The following CECR2 variants were observed in gnomAD, a reference collection of about 807,000 sequenced individuals.
The protein encoded by CECR2 is chromatin remodeling regulator CECR2.
A neutral mutation model predicts 154.5 loss-of-function variants in CECR2; 30 were observed. The observed-to-expected ratio is 0.19, with a 90% CI of 0.15 to 0.26. The LOEUF (loss-of-function observed/expected upper bound fraction) is 0.26, where lower values mean the gene tolerates loss of function less well. Ranked by LOEUF, CECR2 falls within the 10% of genes least tolerant of loss-of-function variation. The probability of loss-of-function intolerance (pLI) is 1.00; values close to 1 mark genes in which losing one functional copy is unlikely to be tolerated. For missense variants in CECR2, 1,743 were observed against 1,829.3 expected (o/e 0.95, Z 0.86); for synonymous variants, 725 against 683.7 (o/e 1.06, Z -0.94).
chr22:17,453,627 A>G (rs1432200482), intron 1 of CECR2, among the ~76,000 whole-genome samples: 2 of 152,224 alleles, frequency 1.3e-5, no homozygotes, highest in African/African-American at 4.8e-5. Flanking sequence ...AAAAGGATAC[A>G]TCAACCCTAA....
chr22:17,391,073 T>C (rs1033221920), intron 1 of CECR2, among the ~76,000 whole-genome samples: 1 of 152,240 alleles, frequency 6.6e-6, no homozygotes, highest in African/African-American at 2.4e-5. Flanking sequence ...GACTGTGTCA[T>C]GAGAGTCTAC....
At position 17,552,067 on chromosome 22, in the gene CECR2, C is replaced by T. The variant is rs1412874233; in HGVS notation, c.4314C>T (p.Phe1438=). ...ACCCGGTCCAGTCGCAGGCCTCGTT[C>T]CCAAAGACCCCCACAGCAGCAACAT... ...QMHPVQSQAS[F]PKTPTAATSQ... Residue 1438 remains phenylalanine, a synonymous_variant, in exon 18 of 19, where the codon TTC becomes TTT. Coordinates refer to ENST00000262608, the MANE Select transcript of CECR2 (RefSeq NM_001290047.2). The T allele has an allele frequency of 6.2e-7, 1 of 1,613,866 alleles. No individual in the cohort carries two copies. Among genetic ancestry groups the T allele is most frequent in the African/African-American group, 1.3e-5 (1 of 74,906 alleles).
intron 1 of CECR2, among the ~76,000 whole-genome samples, chr22:17,377,085 G>T (rs933511862): frequency 3.9e-5 from 6 of 152,112 alleles, no homozygotes; most frequent in Non-Finnish European, 7.3e-5. Flanking sequence ...CTAAAGTTCT[G>T]TGATTCTAGA....
chr22:17,528,125 G>T lies in CECR2; in HGVS notation c.1108+3854G>T, dbSNP rs571452679. 9.9e-5 allele frequency among the ~76,000 whole-genome samples: 15 copies of T among 152,264 alleles called. No individual in the cohort carries two copies. In the South Asian group the frequency reaches 2.9e-3, roughly 29 times the overall value. ...ACACTCCCATATTTTTTGCAGCTCTGTTCACAATAGCCAAGATTTGGAAGC... is the reference window on the plus strand; with the variant it reads ...ACACTCCCATATTTTTTGCAGCTCTTTTCACAATAGCCAAGATTTGGAAGC... On this transcript the variant is annotated intron_variant, in intron 9 of 18. Coordinates refer to ENST00000262608, the MANE Select transcript of CECR2 (RefSeq NM_001290047.2).
At chr22:17,497,912 C>T (rs113747087) in intron 3 of CECR2, among the ~76,000 whole-genome samples, 260 of 152,244 alleles carry the variant, frequency 1.7e-3, no homozygotes, top group African/African-American at 5.9e-3. Flanking sequence ...CAACTAAATC[C>T]GCCACTGAGT....
intron 5 of CECR2, among the ~76,000 whole-genome samples, chr22:17,502,760 G>A (rs1267092281): frequency 6.6e-6 from 1 of 152,096 alleles, no homozygotes; most frequent in Non-Finnish European, 1.5e-5. Flanking sequence ...CTGAAATCGC[G>A]CCATTGCACT....
chr22:17,499,631 A>G (rs2055699194), intron 4 of CECR2, 82 bp downstream of exon 4: 1 of 1,375,176 alleles, frequency 7.3e-7, no homozygotes. Flanking sequence ...CTACAGCACA[A>G]TTTTTTTTTC....
rs869050391 is a variant in CECR2, at chr22:17,482,115, CAAAAAAAAAAA to C, written c.221+4449_221+4459del. 1.4e-3 allele frequency among the ~76,000 whole-genome samples: 110 copies of C among 76,310 alleles called. 1 individual carries two copies. The highest frequency in any genetic ancestry group is 8.9e-3 in the Middle Eastern group (1 of 112). The allele number at this position is 76,310 out of a possible 152,430, so 50.1% of individuals were successfully genotyped here. A position where few individuals can be genotyped will look rare whatever the true frequency, so the allele number is the denominator to read the frequency against. On this transcript the variant is annotated intron_variant, in intron 2 of 18. Coordinates refer to ENST00000262608, the MANE Select transcript of CECR2 (RefSeq NM_001290047.2). ...GGGTGACAGATCGAGACTCTGTCTC[CAAAAAAAAAAA>C]AAAAAAAAAAAAAAAGGGCGTGGCA...
intron 2 of CECR2, among the ~76,000 whole-genome samples, chr22:17,478,556 C>G (rs903063503): frequency 6.6e-6 from 1 of 152,060 alleles, no homozygotes; most frequent in South Asian, 2.1e-4. Context: ...GGGGTTTCAC[C>G]GTGTTAGCCA....
intron 2 of CECR2, among the ~76,000 whole-genome samples, chr22:17,488,561 G>A (rs1015279366): frequency 6.6e-6 from 1 of 152,098 alleles, no homozygotes; most frequent in Non-Finnish European, 1.5e-5. Flanking sequence ...AGTGTGAAAT[G>A]AACTCACATC....
At chr22:17,501,701 C>T (rs913888353) in intron 5 of CECR2, among the ~76,000 whole-genome samples, 3 of 152,152 alleles carry the variant, frequency 2.0e-5, no homozygotes, top group Non-Finnish European at 2.9e-5. Context: ...AATTACTTAA[C>T]GTTTTATGTA....
intron 6 of CECR2, among the ~76,000 whole-genome samples, chr22:17,504,137 C>A (rs186229529): frequency 6.6e-6 from 1 of 151,744 alleles, no homozygotes; most frequent in Admixed American, 6.6e-5. Context: ...TTTGGGAGTT[C>A]GAAGCAGGCA....
At chr22:17,511,294 G>A (rs979134065) in intron 7 of CECR2, among the ~76,000 whole-genome samples, 1 of 152,132 alleles carries the variant, frequency 6.6e-6, no homozygotes, top group East Asian at 1.9e-4. Context: ...CCAGCCTGGT[G>A]CATTTCCTTG....
intron 1 of CECR2, among the ~76,000 whole-genome samples, chr22:17,432,792 C>T (rs1397027639): frequency 1.3e-5 from 2 of 152,096 alleles, no homozygotes; most frequent in African/African-American, 4.8e-5. Context: ...CCACCATGCC[C>T]TGCTAATTTT....
At chr22:17,471,286 G>C (rs1232473375) in intron 1 of CECR2, among the ~76,000 whole-genome samples, 1 of 152,070 alleles carries the variant, frequency 6.6e-6, no homozygotes, top group Non-Finnish European at 1.5e-5. Context: ...TCTGTGGTCA[G>C]CTGCGAACCT....
At chr22:17,450,915 A>G (rs1222596114) in intron 1 of CECR2, among the ~76,000 whole-genome samples, 1 of 152,108 alleles carries the variant, frequency 6.6e-6, no homozygotes, top group African/African-American at 2.4e-5. Flanking sequence ...TCCTCATCTC[A>G]TACCTGGATT....
intron 1 of CECR2, among the ~76,000 whole-genome samples, chr22:17,411,413 A>G (rs184658330): frequency 5.3e-5 from 8 of 152,332 alleles, no homozygotes; most frequent in Admixed American, 3.3e-4. Context: ...CTGCTGTCCA[A>G]TCCAGTGTGA....
At chr22:17,552,269 C>T (rs2056720510) in intron 18 of CECR2, 127 bp downstream of exon 18, 3 of 793,452 alleles carry the variant, frequency 3.8e-6, no homozygotes, top group East Asian at 2.7e-5. Flanking sequence ...TTGCCTGTAT[C>T]GTGCTTCCTT....
intron 9 of CECR2, among the ~76,000 whole-genome samples, chr22:17,526,403 A>G (rs953550458): frequency 6.6e-6 from 1 of 152,234 alleles, no homozygotes; most frequent in Non-Finnish European, 1.5e-5. Flanking sequence ...TACACTGGGG[A>G]AAAGAGTCTC....
Sources: gnomAD v4.1 joint callset for allele counts (sites outside exome capture counted in the v4.1 genomes callset) on GRCh38, gnomAD v4.1.1 for gene constraint, MANE v1.5 for transcripts, NCBI Gene and HGNC (gene_info 2026-07-23, HGNC 2026-07-21) for gene names.